Variants in CRMP1 observed in about 807,000 individuals in gnomAD.
CRMP1 encodes the protein dihydropyrimidinase-related protein 1.
Under a neutral mutation model 68.3 loss-of-function variants are expected in CRMP1, and 19 were observed. The observed-to-expected ratio is 0.28, with a 90% CI of 0.19 to 0.41. The LOEUF is 0.41. Among genes scored for constraint, CRMP1 ranks in the 10% least tolerant of loss-of-function variants. The probability of loss-of-function intolerance (pLI) is 1.00; values close to 1 mark genes in which losing one functional copy is unlikely to be tolerated. For synonymous variants in CRMP1, 439 were observed against 399.6 expected, an observed-to-expected ratio of 1.10 and a Z score of -1.18; for missense variants, 791 against 967.4, an observed-to-expected ratio of 0.82 and a Z score of 2.42.
At position 5,858,324 on chromosome 4, in the gene CRMP1, C is replaced by A; in HGVS notation, c.656-2017G>T. Among the ~76,000 whole-genome samples, 1 of 151,974 alleles carries A rather than the reference C, an allele frequency of 6.6e-6. No homozygotes were observed. Among genetic ancestry groups the A allele is most frequent in the East Asian group, 1.9e-4 (1 of 5,194 alleles). ...GCTCTGAGCTACAGAACTCTGAACC[C>A]GGTTGTGTTCTTGGCTTCTCCACCG... On this transcript the variant is annotated intron_variant, in intron 3 of 13. Coordinates refer to ENST00000324989, the MANE Select transcript of CRMP1 (RefSeq NM_001014809.3). The surrounding 1 kb of genome is among the most constrained non-coding windows in gnomAD (Gnocchi z 5.5).
chr4:5,853,624 C>CA lies in CRMP1; in HGVS notation c.821-2156dup, dbSNP rs531563401. ...CCAAAGGAATTGAAATCAGAATACC[C>CA]AGGGGATATCCCCACTCCCGTGTTC... On this transcript the variant is annotated intron_variant, in intron 4 of 13. Coordinates refer to ENST00000324989, the MANE Select transcript of CRMP1 (RefSeq NM_001014809.3). This position sits in a 1 kb window ranked among gnomAD's most constrained non-coding sequence, Gnocchi z 4.7. 4.6e-3 allele frequency among the ~76,000 whole-genome samples: 705 copies of CA among 152,330 alleles called. 8 individuals carry two copies. The highest frequency in any genetic ancestry group is 0.016 in the African/African-American group (665 of 41,582).
chr4:5,875,988 T>A (rs1191666978), intron 1 of CRMP1, among the ~76,000 whole-genome samples: 1 of 151,746 alleles, frequency 6.6e-6, no homozygotes, highest in Non-Finnish European at 1.5e-5. Flanking sequence ...CCGTCTCTAC[T>A]AAAAAATACA....
Position 5,865,187 on chromosome 4 carries a change from C to A in CRMP1, c.470+1481G>T, listed in dbSNP as rs944704272. Among the ~76,000 whole-genome samples, 3 of 152,124 alleles carry A rather than the reference C, an allele frequency of 2.0e-5. No homozygotes were observed. On this transcript the variant is annotated intron_variant, in intron 2 of 13. Transcript: ENST00000324989. The surrounding 1 kb of genome is among the most constrained non-coding windows in gnomAD (Gnocchi z 4.1). ...CTCCAATTCCCCTCTGCCTTTCCTTCTTGTGCCAGCCACTCATGCTGGATC... is the reference window on the plus strand; with the variant it reads ...CTCCAATTCCCCTCTGCCTTTCCTTATTGTGCCAGCCACTCATGCTGGATC...
chr4:5,873,515 G>A (rs759352248), intron 1 of CRMP1, among the ~76,000 whole-genome samples: 17 of 152,072 alleles, frequency 1.1e-4, no homozygotes, highest in Non-Finnish European at 2.2e-4. Flanking sequence ...AGGCAAAGTG[G>A]GGGGTGGGGG....
At chr4:5,829,295 A>G (rs1460672547) in intron 11 of CRMP1, among the ~76,000 whole-genome samples, 3 of 152,188 alleles carry the variant, frequency 2.0e-5, no homozygotes, top group African/African-American at 4.8e-5. Flanking sequence ...AGGCTGAGGT[A>G]TGAGAACTGC....
At chr4:5,856,762 CACT>C (rs1348480128) in intron 3 of CRMP1, among the ~76,000 whole-genome samples, 1 of 151,674 alleles carries the variant, frequency 6.6e-6, no homozygotes, top group Non-Finnish European at 1.5e-5. Context: ...CCACCACCAT[CACT>C]ATCATCATCA....
chr4:5,866,785 C>A lies in CRMP1; in HGVS notation c.382-29G>T, dbSNP rs774232733. 1.3e-6 allele frequency: 2 copies of A among 1,507,106 alleles called. No individual in the cohort carries two copies. The highest frequency in any genetic ancestry group is 2.8e-5 in the African/African-American group (2 of 71,516). 93.4% of individuals were successfully genotyped at this position (1,507,106 alleles called of 1,614,324 possible). On this transcript the variant is annotated intron_variant, in intron 1 of 13. Coordinates refer to ENST00000324989, the MANE Select transcript of CRMP1 (RefSeq NM_001014809.3). This position sits in a 1 kb window ranked among gnomAD's most constrained non-coding sequence, Gnocchi z 5.9. Reference sequence around the variant, plus strand: ...CAAAGCAAGGCAAAGTATTAAGGATCCTTGGTGAAAAGCCAGGATAAAGTT... The same window carrying A: ...CAAAGCAAGGCAAAGTATTAAGGATACTTGGTGAAAAGCCAGGATAAAGTT...
chr4:5,823,133 T>C (rs1399667246), intron 13 of CRMP1, among the ~76,000 whole-genome samples: 1 of 152,192 alleles, frequency 6.6e-6, no homozygotes, highest in Non-Finnish European at 1.5e-5. Context: ...TGCCTTGAAT[T>C]TGGGCAATTT....
In CRMP1 at chr4:5,888,213, GC is replaced by G; in HGVS notation, c.381+4375del. The G allele has an allele frequency of 2.4e-6, 3 of 1,263,772 alleles. No individual in the cohort carries two copies. The highest frequency in any genetic ancestry group is 3.9e-5 in the Admixed American group (1 of 25,430). The allele number at this position is 1,263,772 out of a possible 1,614,324, so 78.3% of individuals were successfully genotyped here. ...CAAAGGCCAGCGCGGGGCGGCGGGG[GC>G]GGGGGCCGCTTACCGTGATGTGCGG... On this transcript the variant is annotated intron_variant, in intron 1 of 13. Transcript: ENST00000324989. This position sits in a 1 kb window ranked among gnomAD's most constrained non-coding sequence, Gnocchi z 6.4.
intron 1 of CRMP1, among the ~76,000 whole-genome samples, chr4:5,868,253 C>CTATA (rs1714130415): frequency 3.6e-5 from 3 of 83,156 alleles, no homozygotes; most frequent in Non-Finnish European, 7.2e-5. Flanking sequence ...TTCTTCATGA[C>CTATA]TATATATCTA....
intron 1 of CRMP1, among the ~76,000 whole-genome samples, chr4:5,885,624 C>T (rs1017619963): frequency 2.0e-5 from 3 of 152,172 alleles, no homozygotes; most frequent in Non-Finnish European, 4.4e-5. Context: ...CACAAAGAAC[C>T]CTGCTCTCCT....
intron 1 of CRMP1, among the ~76,000 whole-genome samples, chr4:5,885,602 C>A (rs3774892): frequency 0.55 from 82,880 of 151,882 alleles, 23,111 homozygotes; most frequent in East Asian, 0.74. Flanking sequence ...ACCTCTGGGG[C>A]CCCATGGGCT....
rs1192601865 is a variant in CRMP1 at position 5,841,141 on chromosome 4, T to C, written c.1153+167A>G. The stretch of plus-strand genomic sequence containing the variant: ...TATCGAGGTGAATATCCTAAGGTCA[T>C]TGGGACCAAAGAATTCCAGCCACCA... On this transcript the variant is annotated intron_variant, in intron 8 of 13. Coordinates refer to ENST00000324989, the MANE Select transcript of CRMP1 (RefSeq NM_001014809.3). This position sits in a 1 kb window ranked among gnomAD's most constrained non-coding sequence, Gnocchi z 6.9. Among the ~76,000 whole-genome samples, 1 of 152,152 alleles carries C rather than the reference T, an allele frequency of 6.6e-6. No homozygotes were observed. The highest frequency in any genetic ancestry group is 1.5e-5 in the Non-Finnish European group (1 of 68,022).
In CRMP1 at chr4:5,890,375, G is replaced by A. The variant is rs968847132; in HGVS notation, c.381+2214C>T. 2.0e-5 allele frequency among the ~76,000 whole-genome samples: 3 copies of A among 152,198 alleles called. No homozygotes were observed. The highest frequency in any genetic ancestry group is 6.5e-5 in the Admixed American group (1 of 15,288). Reference sequence around the variant, plus strand: ...AGCCTCCGGCAGCGGCAATCCTTGCGCCTGCGCCGCAGAAACCCCTCCTGC... The same window carrying A: ...AGCCTCCGGCAGCGGCAATCCTTGCACCTGCGCCGCAGAAACCCCTCCTGC... On this transcript the variant is annotated intron_variant, in intron 1 of 13. Transcript: ENST00000324989. This position sits in a 1 kb window ranked among gnomAD's most constrained non-coding sequence, Gnocchi z 5.5.
intron 12 of CRMP1, among the ~76,000 whole-genome samples, chr4:5,827,187 C>T (rs945997012): frequency 2.0e-5 from 3 of 152,234 alleles, no homozygotes; most frequent in Non-Finnish European, 4.4e-5. Context: ...CTCACGGAAG[C>T]TGACTGTTAA....
At chr4:5,849,541 T>TA in intron 5 of CRMP1, 69 bp from the exon 6 acceptor site, 1 of 1,088,372 alleles carries the variant, frequency 9.2e-7, no homozygotes, top group South Asian at 1.3e-5. Flanking sequence ...TGTGCATTCA[T>TA]GAAGACCGTT....
Position 5,825,791 on chromosome 4 carries a change from A to C in CRMP1, c.1804-132T>G. 2 of 791,570 alleles carry C rather than the reference A, an allele frequency of 2.5e-6. No individual in the cohort carries two copies. The highest frequency in any genetic ancestry group is 4.0e-6 in the Non-Finnish European group (2 of 496,358). The allele number at this position is 791,570 out of a possible 1,614,324, so 49.0% of individuals were successfully genotyped here. A position where few individuals can be genotyped will look rare whatever the true frequency, so the allele number is the denominator to read the frequency against. The stretch of plus-strand genomic sequence containing the variant: ...AAATGTGCATGCACACACACACACA[A>C]CACGCACACACGACAGGTGCACTTC... On this transcript the variant is annotated intron_variant, in intron 12 of 13. Coordinates refer to ENST00000324989, the MANE Select transcript of CRMP1 (RefSeq NM_001014809.3). This position sits in a 1 kb window ranked among gnomAD's most constrained non-coding sequence, Gnocchi z 4.4.
chr4:5,889,500 C>T lies in CRMP1; in HGVS notation c.381+3089G>A. ...AGGTGGGCAGGAAGCCAGGTCACAG[C>T]TTGACAAGGTCCGTAACAGCAGAGG... On this transcript the variant is annotated intron_variant, in intron 1 of 13. Transcript: ENST00000324989. This position sits in a 1 kb window ranked among gnomAD's most constrained non-coding sequence, Gnocchi z 4.5. The T allele has an allele frequency of 2.7e-6, 4 of 1,469,694 alleles. No homozygotes were observed. The highest frequency in any genetic ancestry group is 3.7e-6 in the Non-Finnish European group (4 of 1,089,268). 91.0% of individuals were successfully genotyped at this position (1,469,694 alleles called of 1,614,324 possible). A position where few individuals can be genotyped will look rare whatever the true frequency, so the allele number is the denominator to read the frequency against.
rs957050917 is a variant in CRMP1, at chr4:5,858,493, C to G, written c.656-2186G>C. On this transcript the variant is annotated intron_variant, in intron 3 of 13. Coordinates refer to ENST00000324989, the MANE Select transcript of CRMP1 (RefSeq NM_001014809.3). The surrounding 1 kb of genome is among the most constrained non-coding windows in gnomAD (Gnocchi z 5.5). ...GTCACCCGTGGCACTTCCTTTCCCT[C>G]ACATGCCCCCGTGTGTGACCCAGCA... 1.3e-4 allele frequency among the ~76,000 whole-genome samples: 20 copies of G among 152,306 alleles called. No individual in the cohort carries two copies. Among genetic ancestry groups the G allele is most frequent in the African/African-American group, 4.3e-4 (18 of 41,570 alleles).
Sources: gnomAD v4.1 joint callset for allele counts (sites outside exome capture counted in the v4.1 genomes callset) on GRCh38, gnomAD v4.1.1 for gene constraint, Gnocchi (gnomAD v3.1) non-coding constraint, MANE v1.5 for transcripts, NCBI Gene and HGNC (gene_info 2026-07-23, HGNC 2026-07-21) for gene names.